RTBDN: variants seen among roughly 807,000 people sequenced by gnomAD.
The protein encoded by RTBDN is retbindin.
In RTBDN, 24 loss-of-function variants were observed where a neutral mutation model predicts 21.9. The observed-to-expected ratio is 1.10, with a 90% CI of 0.79 to 1.54. The LOEUF (loss-of-function observed/expected upper bound fraction) is 1.54. Among genes scored for constraint, RTBDN ranks in the 40% most tolerant of loss-of-function variants. RTBDN has a pLI of 0.00. For missense variants in RTBDN, 325 were observed against 315.2 expected (o/e 1.03, Z -0.23); for synonymous variants, 141 against 125.9 (o/e 1.12, Z -0.80).
chr19:12,829,998 C>T lies in RTBDN; in HGVS notation c.-18-1G>A, dbSNP rs1388226180. The T allele has an allele frequency of 8.8e-6, 14 of 1,599,980 alleles. No homozygotes were observed. Among genetic ancestry groups the T allele is most frequent in the Non-Finnish European group, 1.1e-5 (13 of 1,168,554 alleles). ...AGTCCATGTCCACCTGAGATAAGAG[C>T]TGGCAGGCATAGGGTGGGGTTCAGC... On this transcript the variant is annotated splice_acceptor_variant, in intron 1 of 5. Coordinates refer to ENST00000674343, the MANE Select transcript of RTBDN (RefSeq NM_001270441.2). LOFTEE classifies it low-confidence loss of function (5UTR_SPLICE).
rs1198568586 is a variant in RTBDN, at chr19:12,825,744, C to T, written c.652G>A (p.Gly218Ser). 1 of 1,600,890 alleles carries T rather than the reference C, an allele frequency of 6.2e-7. No homozygotes were observed. The highest frequency in any genetic ancestry group is 1.7e-5 in the Admixed American group (1 of 57,838). ...SPRTSILDAA[G>S]SGSGSGSGSG... ...CCGCTTCCACTGCCACTCCCGCTGC[C>T]CGCAGCGTCCAGGATGGAGGTGCGA... The change falls in exon 6 of 6, where the codon GGC (glycine) becomes AGC (serine). Residue 218 changes from glycine (G) to serine (S), a missense_variant. Transcript: ENST00000674343.
chr19:12,830,330 T>A lies in RTBDN; in HGVS notation c.-18-333A>T. 1 of 1,048,168 alleles carries A rather than the reference T, an allele frequency of 9.5e-7. No individual in the cohort carries two copies. The highest frequency in any genetic ancestry group is 1.1e-6 in the Non-Finnish European group (1 of 869,738). 64.9% of individuals were successfully genotyped at this position (1,048,168 alleles called of 1,614,324 possible). On this transcript the variant is annotated intron_variant, in intron 1 of 5. Transcript: ENST00000674343. This position sits in a 1 kb window ranked among gnomAD's most constrained non-coding sequence, Gnocchi z 4.2. ...TTCTTTTCTCAGAATGAAGGGGACC[T>A]CCCTAGGTCTTCCAATCCCCCTCTC...
intron 4 of RTBDN, among the ~76,000 whole-genome samples, 167 bp downstream of exon 4, chr19:12,828,490 C>T (rs1969412032): frequency 6.6e-6 from 1 of 152,258 alleles, no homozygotes; most frequent in Admixed American, 6.5e-5. Context: ...GGGGGCTTCT[C>T]ATGCCTCGCC....
At chr19:12,829,432 A>T (rs946620663) in intron 2 of RTBDN, among the ~76,000 whole-genome samples, 1 of 152,148 alleles carries the variant, frequency 6.6e-6, no homozygotes, top group African/African-American at 2.4e-5. Flanking sequence ...CAAACTCCTG[A>T]CCTCAAATGA....
chr19:12,832,070 T>C (rs1396820634), intron 1 of RTBDN, among the ~76,000 whole-genome samples: 2 of 152,334 alleles, frequency 1.3e-5, no homozygotes, highest in East Asian at 3.9e-4. Flanking sequence ...TGCGTGTGTC[T>C]GCATTTGCTG....
chr19:12,827,787 C>T (rs1265859338), intron 4 of RTBDN, among the ~76,000 whole-genome samples: 5 of 152,074 alleles, frequency 3.3e-5, no homozygotes, highest in Non-Finnish European at 7.4e-5. Flanking sequence ...CAAGAGGACT[C>T]ACTCCTTAAG....
At chr19:12,826,976 A>C in intron 4 of RTBDN, 105 bp from the exon 5 acceptor site, 1 of 773,536 alleles carries the variant, frequency 1.3e-6, no homozygotes, top group Non-Finnish European at 2.2e-6. Flanking sequence ...CCTCGGATCC[A>C]GGCCCCGCCT....
rs774543658 is a variant in RTBDN, at chr19:12,825,937, G to A, written c.463-4C>T. On this transcript the variant is annotated splice_polypyrimidine_tract_variant and splice_region_variant and intron_variant, in intron 5 of 5. Transcript: ENST00000674343. ...GGTCCGTCCCGTCTGCGAAGGTCTA[G>A]GAAAAAGTGGAGTTAAGGCCCTAGT... The A allele has an allele frequency of 8.3e-6, 13 of 1,569,444 alleles. No homozygotes were observed. Among genetic ancestry groups the A allele is most frequent in the Middle Eastern group, 3.4e-4 (2 of 5,898 alleles).
At position 12,830,956 on chromosome 19, in the gene RTBDN, G is replaced by A. The variant is rs917914682; in HGVS notation, c.-18-959C>T. Among the ~76,000 whole-genome samples, 1 of 149,770 alleles carries A rather than the reference G, an allele frequency of 6.7e-6. No individual in the cohort carries two copies. Among genetic ancestry groups the A allele is most frequent in the East Asian group, 1.9e-4 (1 of 5,136 alleles). Reference sequence around the variant, plus strand: ...GTTTGTGTGGCTGTGTGTGTGTTGAGCATGTATGTGTGTTTTTGTTGTATG... The same window carrying A: ...GTTTGTGTGGCTGTGTGTGTGTTGAACATGTATGTGTGTTTTTGTTGTATG... On this transcript the variant is annotated intron_variant, in intron 1 of 5. Coordinates refer to ENST00000674343, the MANE Select transcript of RTBDN (RefSeq NM_001270441.2). The surrounding 1 kb of genome is among the most constrained non-coding windows in gnomAD (Gnocchi z 4.2).
rs940142271 is a variant in RTBDN, at chr19:12,825,894, C to G, written c.502G>C (p.Gly168Arg). 1.9e-6 allele frequency: 3 copies of G among 1,610,062 alleles called. No homozygotes were observed. The highest frequency in any genetic ancestry group is 2.2e-5 in the East Asian group (1 of 44,760). The change falls in exon 6 of 6, where the codon GGC becomes CGC. Residue 168 changes from glycine (G) to arginine (R), a missense_variant. Gly to Arg is a moderately radical substitution (Grantham distance 125). Transcript: ENST00000674343. ...GGAGCAGCCACCGGTAGGGCGTGGCCCAGAGCCGAGCGACAAAGGTCCGTC... is the reference window on the plus strand; with the variant it reads ...GGAGCAGCCACCGGTAGGGCGTGGCGCAGAGCCGAGCGACAAAGGTCCGTC... The part of the protein sequence containing the change: ...DGTDLCRSAL[G>R]HALPVAAPGA...
At chr19:12,835,125 C>T (rs756139620), upstream of RTBDN, 62 of 1,612,288 alleles carry the variant, frequency 3.8e-5, 2 homozygotes, top group South Asian at 6.6e-4. Context: ...TCCATCATTC[C>T]CGAGGTTGAA....
At chr19:12,826,032 G>C in intron 5 of RTBDN, 99 bp from the exon 6 acceptor site, 1 of 1,439,434 alleles carries the variant, frequency 6.9e-7, no homozygotes, top group Non-Finnish European at 9.1e-7. Context: ...TTAGGGATTG[G>C]GGTCAGAGCC....
intron 1 of RTBDN, chr19:12,832,624 G>T (rs1969617903): frequency 1.3e-5 from 2 of 152,372 alleles, no homozygotes; most frequent in Non-Finnish European, 2.9e-5. Flanking sequence ...GAGATAGGTC[G>T]CCAGGGGCGG....
chr19:12,829,712 C>G (rs554101472), intron 2 of RTBDN, 99 bp downstream of exon 2: 1 of 1,277,288 alleles, frequency 7.8e-7, no homozygotes, highest in South Asian at 1.4e-5. Context: ...CCTTGGTGGC[C>G]ATGCTAGGCC....
At chr19:12,828,798 G>T in intron 3 of RTBDN, 31 bp from the exon 4 acceptor site, 1 of 1,613,470 alleles carries the variant, frequency 6.2e-7, no homozygotes, top group Non-Finnish European at 8.5e-7. Context: ...GGTCGGATGG[G>T]TCAGGACCCG....
rs1164869187 is a variant in RTBDN at position 12,830,884 on chromosome 19, T to C, written c.-18-887A>G. Among the ~76,000 whole-genome samples the C allele has an allele frequency of 1.4e-5, 2 of 145,932 alleles. No individual in the cohort carries two copies. Among genetic ancestry groups the C allele is most frequent in the East Asian group, 4.0e-4 (2 of 4,986 alleles). ...GTGTATGTGTGTGAGGAAGGTGTGT[T>C]TGTGTGGCCTATAGCCTGTGTGTGT... On this transcript the variant is annotated intron_variant, in intron 1 of 5. Transcript: ENST00000674343. The surrounding 1 kb of genome is among the most constrained non-coding windows in gnomAD (Gnocchi z 4.2).
chr19:12,830,519 G>A lies in RTBDN; in HGVS notation c.-18-522C>T. 1.1e-5 allele frequency: 11 copies of A among 984,818 alleles called. No homozygotes were observed. The highest frequency in any genetic ancestry group is 1.3e-5 in the Non-Finnish European group (11 of 829,286). The allele number at this position is 984,818 out of a possible 1,614,324, so 61.0% of individuals were successfully genotyped here. A position where few individuals can be genotyped will look rare whatever the true frequency, so the allele number is the denominator to read the frequency against. ...GCTGGTGTGGCAGGGCTCAGGTTCT[G>A]TCACTGGGGCCCAAAGCCCCGAGGC... is the stretch of plus-strand genomic sequence containing the variant. On this transcript the variant is annotated intron_variant, in intron 1 of 5. Coordinates refer to ENST00000674343, the MANE Select transcript of RTBDN (RefSeq NM_001270441.2). The surrounding 1 kb of genome is among the most constrained non-coding windows in gnomAD (Gnocchi z 4.2).
rs1969673289 is a variant in RTBDN, at chr19:12,834,079, G to A, written c.-19+410C>T. On this transcript the variant is annotated intron_variant, in intron 1 of 5. Coordinates refer to ENST00000674343, the MANE Select transcript of RTBDN (RefSeq NM_001270441.2). This position sits in a 1 kb window ranked among gnomAD's most constrained non-coding sequence, Gnocchi z 4.7. ...TGGGGCGGGGCTGGGCAGGAGGCGG[G>A]AGAACTTGCACTAGGGTCAGCCGGG... 7.5e-6 allele frequency: 3 copies of A among 398,034 alleles called. No individual in the cohort carries two copies. Among genetic ancestry groups the A allele is most frequent in the Non-Finnish European group, 8.9e-6 (2 of 225,732 alleles). 24.7% of individuals were successfully genotyped at this position (398,034 alleles called of 1,614,324 possible). A position where few individuals can be genotyped will look rare whatever the true frequency, so the allele number is the denominator to read the frequency against.
chr19:12,828,968 C>T lies in RTBDN; in HGVS notation c.170-15G>A. 3.1e-6 allele frequency: 5 copies of T among 1,613,984 alleles called. No homozygotes were observed. Among genetic ancestry groups the T allele is most frequent in the Non-Finnish European group, 4.2e-6 (5 of 1,179,966 alleles). The stretch of plus-strand genomic sequence containing the variant: ...ACAACAAGGTCCTGGCAAAGGGGAA[C>T]CCTGTGAGCTAGGGTCTTGGATATT... On this transcript the variant is annotated splice_polypyrimidine_tract_variant and intron_variant, in intron 2 of 5. Coordinates refer to ENST00000674343, the MANE Select transcript of RTBDN (RefSeq NM_001270441.2).
Sources: gnomAD v4.1 joint callset for allele counts (sites outside exome capture counted in the v4.1 genomes callset) on GRCh38, gnomAD v4.1.1 for gene constraint, Gnocchi (gnomAD v3.1) non-coding constraint, MANE v1.5 for transcripts, NCBI Gene and HGNC (gene_info 2026-07-23, HGNC 2026-07-21) for gene names.